SP140: variants seen among roughly 807,000 people sequenced by gnomAD.
The protein encoded by SP140 is nuclear body protein SP140.
SP140 carries 81 observed loss-of-function variants against 125.0 expected under a neutral mutation model. That is an observed-to-expected ratio of 0.65 (90% CI 0.54 to 0.78). The LOEUF is 0.78. SP140 is among the 30% of genes least tolerant of loss of function. The pLI is 0.00. For missense variants in SP140, 858 were observed against 1,037.0 expected, an observed-to-expected ratio of 0.83 and a Z score of 2.37; for synonymous variants, 312 against 354.0, an observed-to-expected ratio of 0.88 and a Z score of 1.33.
At chr2:230,219,934 A>C in intron 3 of SP140, 4 of 985,570 alleles carry the variant, frequency 4.1e-6, no homozygotes, top group Non-Finnish European at 4.8e-6. Context: ...ATCACTCCTC[A>C]AGATTGGGAG....
At chr2:230,246,964 T>C (rs1472417543) in intron 7 of SP140, among the ~76,000 whole-genome samples, 1 of 152,054 alleles carries the variant, frequency 6.6e-6, no homozygotes, top group African/African-American at 2.4e-5. Context: ...TGGGACATTG[T>C]AGGGATGGAG....
chr2:230,269,944 G>A lies in SP140; in HGVS notation c.1435G>A (p.Gly479Ser). The stretch of plus-strand genomic sequence containing the variant: ...AAGGACGGAAAGTGATCAAGCGTGT[G>A]GCACAATGGGTAAGGCTGTCTGAGG... ...EARTESDQAC[G>S]TMDTVDIANN... is the part of the protein sequence containing the mutation. Residue 479 changes from glycine (G) to serine (S), a missense_variant, in exon 14 of 27, where the codon GGC (glycine) becomes AGC (serine). Physicochemically the swap from Gly to Ser is moderately conservative, Grantham distance 56 (BLOSUM62 0). Transcript: ENST00000392045. The A allele has an allele frequency of 6.2e-7, 1 of 1,612,426 alleles. No homozygotes were observed. The highest frequency in any genetic ancestry group is 8.5e-7 in the Non-Finnish European group (1 of 1,178,468).
chr2:230,254,745 C>T (rs2050882263), intron 11 of SP140, among the ~76,000 whole-genome samples: 1 of 152,198 alleles, frequency 6.6e-6, no homozygotes, highest in South Asian at 2.1e-4. Context: ...ATCTTTGTTG[C>T]ACAGGATTAG....
At chr2:230,201,777 C>CAAGGTGGATTAA (rs1204996717), upstream of SP140, among the ~76,000 whole-genome samples, 1 of 152,172 alleles carries the variant, frequency 6.6e-6, no homozygotes, top group Non-Finnish European at 1.5e-5. Flanking sequence ...ATTCAAAATG[C>CAAGGTGGATTAA]AAGGTGGATT....
downstream of SP140, among the ~76,000 whole-genome samples, chr2:230,316,175 T>C (rs2059482473): frequency 6.6e-6 from 1 of 152,228 alleles, no homozygotes; most frequent in South Asian, 2.1e-4. Context: ...GTGAGAAATA[T>C]AGACTATTCT....
At chr2:230,204,518 CT>C (rs1191373817) in intron 1 of SP140, among the ~76,000 whole-genome samples, 3 of 152,098 alleles carry the variant, frequency 2.0e-5, no homozygotes, top group Non-Finnish European at 2.9e-5. Context: ...TCTATGACCC[CT>C]TTTCATAACA....
chr2:230,188,316 G>A, the SP140 span, among the ~76,000 whole-genome samples: 4 of 152,082 alleles, frequency 2.6e-5, no homozygotes, highest in African/African-American at 9.7e-5. Flanking sequence ...GTATAGCAGT[G>A]CTAATTTGTG....
chr2:230,263,085 C>T (rs921443106), intron 12 of SP140, among the ~76,000 whole-genome samples: 4 of 152,042 alleles, frequency 2.6e-5, no homozygotes, highest in Admixed American at 1.3e-4. Context: ...TATTGTGTTG[C>T]TGTCTATCTC....
chr2:230,199,408 C>T (rs2043032104), upstream of SP140, among the ~76,000 whole-genome samples: 1 of 151,626 alleles, frequency 6.6e-6, no homozygotes, highest in African/African-American at 2.4e-5. Context: ...AGGGTTTCAT[C>T]ATGCTGGCCA....
chr2:230,306,698 C>T (rs2149590078), intron 22 of SP140, among the ~76,000 whole-genome samples: 1 of 152,370 alleles, frequency 6.6e-6, no homozygotes. Context: ...GCTGACACAC[C>T]AGGCCCCTGC....
At chr2:230,202,520 T>C, upstream of SP140, 1 of 1,555,888 alleles carries the variant, frequency 6.4e-7, no homozygotes, top group Non-Finnish European at 8.9e-7. Flanking sequence ...TGTACCTGCT[T>C]CAGGAGAGAC....
intron 22 of SP140, among the ~76,000 whole-genome samples, chr2:230,305,799 C>T (rs753059391): frequency 5.3e-5 from 8 of 152,236 alleles, no homozygotes; most frequent in Admixed American, 1.3e-4. Context: ...GCCAGGTTCC[C>T]GCCCCTCACA....
At chr2:230,198,970 A>C (rs1383652453), upstream of SP140, among the ~76,000 whole-genome samples, 1 of 151,976 alleles carries the variant, frequency 6.6e-6, no homozygotes, top group East Asian at 1.9e-4. Context: ...TTTAGCTGGA[A>C]CATAGACATG....
chr2:230,249,261 A>C (rs2049990731), intron 9 of SP140, among the ~76,000 whole-genome samples: 1 of 152,142 alleles, frequency 6.6e-6, no homozygotes, highest in South Asian at 2.1e-4. Flanking sequence ...GATGTTATTA[A>C]ACACACATTA....
chr2:230,294,783 T>C (rs2057516137), intron 21 of SP140, among the ~76,000 whole-genome samples: 1 of 152,244 alleles, frequency 6.6e-6, no homozygotes, highest in African/African-American at 2.4e-5. Context: ...GAGACATGCA[T>C]GAAACCATAT....
Position 230,308,425 on chromosome 2 carries a change from T to C in SP140, c.2059-1499T>C, listed in dbSNP as rs144909909. On this transcript the variant is annotated intron_variant, in intron 22 of 26. Coordinates refer to ENST00000392045, the MANE Select transcript of SP140 (RefSeq NM_007237.5). Reference sequence around the variant, plus strand: ...AAAAAGATTAAGGATTCGACATACTTAAACATTTGGTACTTCATTCCCTCC... The same window carrying C: ...AAAAAGATTAAGGATTCGACATACTCAAACATTTGGTACTTCATTCCCTCC... 2.0e-3 allele frequency among the ~76,000 whole-genome samples: 299 copies of C among 152,334 alleles called. 2 individuals carry two copies. Among genetic ancestry groups the C allele is most frequent in the African/African-American group, 7.0e-3 (290 of 41,564 alleles).
intron 3 of SP140, among the ~76,000 whole-genome samples, chr2:230,217,574 T>C (rs1454285065): frequency 6.6e-6 from 1 of 152,216 alleles, no homozygotes. Flanking sequence ...CAGTAACTTA[T>C]CTGATTTTCA....
At chr2:230,236,127 G>T (rs2047979034) in intron 1 of SP140, among the ~76,000 whole-genome samples, 1 of 151,952 alleles carries the variant, frequency 6.6e-6, no homozygotes, top group African/African-American at 2.4e-5. Context: ...CGCCTGTCTC[G>T]GCCTCCCAAA....
chr2:230,207,516 T>C (rs2044001893), intron 1 of SP140, among the ~76,000 whole-genome samples: 1 of 152,206 alleles, frequency 6.6e-6, no homozygotes, highest in South Asian at 2.1e-4. Flanking sequence ...CAGAAACCTC[T>C]AAAGGAACAG....
Sources: gnomAD v4.1 joint callset for allele counts (sites outside exome capture counted in the v4.1 genomes callset) on GRCh38, gnomAD v4.1.1 for gene constraint, MANE v1.5 for transcripts, NCBI Gene and HGNC (gene_info 2026-07-23, HGNC 2026-07-21) for gene names.